GABRA2: variants seen among roughly 807,000 people sequenced by gnomAD.
GABRA2 encodes gamma-aminobutyric acid type A receptor subunit alpha2.
GABRA2 carries 16 observed loss-of-function variants against 48.7 expected under a neutral mutation model. The ratio of observed to expected loss-of-function variants is 0.33; its 90% CI spans 0.22 to 0.50. The LOEUF is 0.50. Ranked by LOEUF, GABRA2 falls within the 20% of genes least tolerant of loss-of-function variation. The pLI is 0.98. For missense variants in GABRA2, 275 were observed against 535.6 expected (o/e 0.51, Z 4.80); for synonymous variants, 185 against 184.5 (o/e 1.00, Z -0.02).
chr4:46,278,885 A>G (rs957415637), intron 8 of GABRA2, among the ~76,000 whole-genome samples: 1 of 152,088 alleles, frequency 6.6e-6, no homozygotes, highest in Non-Finnish European at 1.5e-5. Flanking sequence ...GAAGGTAAAA[A>G]TAAGAGATGG....
At chr4:46,332,346 A>T (rs1352671513) in intron 4 of GABRA2, among the ~76,000 whole-genome samples, 1 of 152,092 alleles carries the variant, frequency 6.6e-6, no homozygotes, top group Non-Finnish European at 1.5e-5. Flanking sequence ...TTCTTAATAC[A>T]ATTAATTTTA....
At chr4:46,389,117 G>C in intron 1 of GABRA2, 1 of 1,000,264 alleles carries the variant, frequency 1.0e-6, no homozygotes, top group African/African-American at 1.7e-5. Context: ...GAGGAAAGGA[G>C]AGGAGAGGAG....
At chr4:46,311,894 T>A (rs1727701499) in intron 5 of GABRA2, among the ~76,000 whole-genome samples, 2 of 152,014 alleles carry the variant, frequency 1.3e-5, no homozygotes, top group Non-Finnish European at 2.9e-5. Context: ...AGGCCAGGAG[T>A]TCGGGGCCAG....
intron 8 of GABRA2, among the ~76,000 whole-genome samples, chr4:46,294,655 G>T (rs1318495070): frequency 6.6e-6 from 1 of 152,150 alleles, no homozygotes; most frequent in Non-Finnish European, 1.5e-5. Flanking sequence ...GATGCTGTTT[G>T]GAGCCTCTGG....
rs375383766 is a variant in GABRA2, at chr4:46,284,286, A to G, written c.856+19174T>C. On this transcript the variant is annotated intron_variant, in intron 8 of 9. Coordinates refer to ENST00000381620, the MANE Select transcript of GABRA2 (RefSeq NM_000807.4). ...TTCACAAGTTAAGCTATATGTATGT[A>G]TAACAAAATGAGGTTTGTATACTGT... 7.9e-5 allele frequency among the ~76,000 whole-genome samples: 12 copies of G among 152,306 alleles called. No homozygotes were observed. The South Asian group carries it at 1.4e-3, about 18-fold the overall frequency.
chr4:46,300,991 A>G (rs1725638413), intron 8 of GABRA2, among the ~76,000 whole-genome samples: 1 of 152,160 alleles, frequency 6.6e-6, no homozygotes, highest in Non-Finnish European at 1.5e-5. Flanking sequence ...GTAGGATCAG[A>G]TTAATAATAA....
chr4:46,296,516 A>G (rs141402416), intron 8 of GABRA2, among the ~76,000 whole-genome samples: 2 of 152,230 alleles, frequency 1.3e-5, no homozygotes, highest in African/African-American at 2.4e-5. Flanking sequence ...CATGCATGTA[A>G]TACAGCAGAT....
chr4:46,389,620 G>A (rs1213180897), intron 1 of GABRA2, 115 bp downstream of exon 1: 2 of 579,504 alleles, frequency 3.5e-6, no homozygotes, highest in African/African-American at 4.0e-5. Context: ...CGGGAATTGA[G>A]CCTCCTCCGT....
chr4:46,355,038 T>C (rs566665725), intron 3 of GABRA2, among the ~76,000 whole-genome samples: 1 of 152,216 alleles, frequency 6.6e-6, no homozygotes, highest in Non-Finnish European at 1.5e-5. Flanking sequence ...AGTAGACTCT[T>C]AATATGTGCA....
At chr4:46,302,585 C>A (rs1027945405) in intron 8 of GABRA2, 2 of 151,720 alleles carry the variant, frequency 1.3e-5, no homozygotes, top group Non-Finnish European at 2.9e-5. Context: ...CACTCTTCAT[C>A]TAAAAACAAC....
At chr4:46,267,006 G>A (rs1189835770) in intron 8 of GABRA2, among the ~76,000 whole-genome samples, 2 of 151,948 alleles carry the variant, frequency 1.3e-5, no homozygotes, top group African/African-American at 4.8e-5. Flanking sequence ...TTACAGGTGT[G>A]AGCCACCGTG....
intron 8 of GABRA2, among the ~76,000 whole-genome samples, chr4:46,297,771 T>G (rs1464949031): frequency 6.6e-6 from 1 of 151,912 alleles, no homozygotes; most frequent in Non-Finnish European, 1.5e-5. Flanking sequence ...CTTTATTATT[T>G]CATTTCTTCT....
intron 9 of GABRA2, among the ~76,000 whole-genome samples, chr4:46,257,076 G>A (rs1173146038): frequency 6.6e-6 from 1 of 151,492 alleles, no homozygotes; most frequent in African/African-American, 2.4e-5. Context: ...CAGTAGATAC[G>A]ATGATGAATA....
intron 8 of GABRA2, among the ~76,000 whole-genome samples, chr4:46,271,420 A>G (rs1272842816): frequency 6.6e-6 from 1 of 152,054 alleles, no homozygotes; most frequent in Non-Finnish European, 1.5e-5. Flanking sequence ...TCTCAGGTGC[A>G]AGAACCTTTG....
intron 8 of GABRA2, among the ~76,000 whole-genome samples, chr4:46,275,633 A>C (rs1012807387): frequency 3.3e-5 from 5 of 152,230 alleles, no homozygotes; most frequent in Admixed American, 2.6e-4. Flanking sequence ...ACCATCAAAA[A>C]CCTTAACCTA....
At position 46,305,610 on chromosome 4, in the gene GABRA2, G is replaced by A. The variant is rs1355474031; in HGVS notation, c.661C>T (p.Leu221=). 6.2e-7 allele frequency: 1 copy of A among 1,613,874 alleles called. No individual in the cohort carries two copies. The change falls in exon 7 of 10, where the codon CTG becomes TTG. Residue 221 remains leucine (L), a synonymous_variant. Coordinates refer to ENST00000381620, the MANE Select transcript of GABRA2 (RefSeq NM_000807.4). The part of the protein sequence containing the change: ...DGSRLNQYDL[L]GQSIGKETIK... ...GTCTCCTTTCCGATTGATTGGCCCA[G>A]CAGGTCATATTGATTTAACCTAGAG...
chr4:46,328,179 A>G (rs1479754055), intron 4 of GABRA2, among the ~76,000 whole-genome samples: 1 of 152,076 alleles, frequency 6.6e-6, no homozygotes, highest in Non-Finnish European at 1.5e-5. Flanking sequence ...TTTTAACTTA[A>G]TTGCAGAAAC....
rs995200096 is a variant in GABRA2 at position 46,243,959 on chromosome 4, C to G, written c.*6349G>C. On this transcript the variant is annotated 3_prime_UTR_variant, in exon 10 of 10. Coordinates refer to ENST00000381620, the MANE Select transcript of GABRA2 (RefSeq NM_000807.4). ...TCACTCACATCACATCTACTGGAAA[C>G]ATTTCATGAAAGGTGATGTTCCTTA... 3 of 151,484 alleles carry G rather than the reference C, an allele frequency of 2.0e-5. No homozygotes were observed. Among genetic ancestry groups the G allele is most frequent in the African/African-American group, 4.8e-5 (2 of 41,380 alleles). The allele number at this position is 151,484 out of a possible 1,614,324, so 9.4% of individuals were successfully genotyped here.
chr4:46,314,946 C>T (rs1480040215), intron 4 of GABRA2, among the ~76,000 whole-genome samples: 1 of 152,078 alleles, frequency 6.6e-6, no homozygotes, highest in African/African-American at 2.4e-5. Flanking sequence ...CTGCAATGAA[C>T]ATATGCATGC....
Sources: allele counts gnomAD v4.1 joint callset (sites outside exome capture counted in the v4.1 genomes callset), GRCh38; gene constraint gnomAD v4.1.1; transcripts MANE v1.5; gene names NCBI Gene and HGNC (gene_info 2026-07-23, HGNC 2026-07-21).